ARHGEF6: variants seen among roughly 807,000 people sequenced by gnomAD.
ARHGEF6 encodes Rac/Cdc42 guanine nucleotide exchange factor 6.
A neutral mutation model predicts 70.3 loss-of-function variants in ARHGEF6; 9 were observed. The observed-to-expected ratio is 0.13, with a 90% CI of 0.08 to 0.22. ARHGEF6 has a LOEUF of 0.22. ARHGEF6 is among the 10% of genes least tolerant of loss of function. The pLI, the probability that ARHGEF6 is intolerant of heterozygous loss-of-function variation, is 1.00. For missense variants in ARHGEF6, 470 were observed against 563.0 expected (o/e 0.83, Z 1.67); for synonymous variants, 201 against 207.8 (o/e 0.97, Z 0.28).
At chrX:136,719,539 C>A (rs965124774) in intron 6 of ARHGEF6, among the ~76,000 whole-genome samples, 1 of 111,432 alleles carries the variant, frequency 9.0e-6, no homozygotes, top group Non-Finnish European at 1.9e-5. Context: ...GCACTGAATG[C>A]ATATATTAGG....
chrX:136,686,597 T>TATATATATATATATATATATATATATAC (rs1157414655), intron 11 of ARHGEF6, among the ~76,000 whole-genome samples: 1 of 62,480 alleles, frequency 1.6e-5, no homozygotes, highest in Non-Finnish European at 2.6e-5. Context: ...TGTGTGTGTA[T>TATATATATATATATATATATATATATAC]ATATATATAT....
intron 2 of ARHGEF6, chrX:136,767,258 C>T (rs1297067294): frequency 5.3e-6 from 4 of 754,868 alleles, no homozygotes; most frequent in African/African-American, 4.5e-5. Flanking sequence ...AGCGGGCGGG[C>T]AAGCCTGTGC....
intron 2 of ARHGEF6, among the ~76,000 whole-genome samples, chrX:136,762,892 C>T (rs768019072): frequency 9.0e-6 from 1 of 111,554 alleles, no homozygotes; most frequent in Non-Finnish European, 1.9e-5. Context: ...AAAGCTCAAG[C>T]TCATAGTCCC....
At chrX:136,742,823 C>T (rs1185935222) in intron 5 of ARHGEF6, among the ~76,000 whole-genome samples, 1 of 110,407 alleles carries the variant, frequency 9.1e-6, no homozygotes, top group Non-Finnish European at 1.9e-5. Flanking sequence ...AAAGTTTAAA[C>T]ATTAGCTGGG....
At chrX:136,776,886 A>G (rs5975793) in intron 2 of ARHGEF6, among the ~76,000 whole-genome samples, 23 of 86,445 alleles carry the variant, frequency 2.7e-4, no homozygotes, top group African/African-American at 1.3e-3. Flanking sequence ...TAGATAAATA[A>G]ATAAATAAAT....
intron 6 of ARHGEF6, among the ~76,000 whole-genome samples, chrX:136,729,434 C>G (rs1319369001): frequency 2.2e-5 from 2 of 90,559 alleles, no homozygotes; most frequent in African/African-American, 8.7e-5. Flanking sequence ...TGCCACTGCA[C>G]TCCAGCCTGG....
chrX:136,761,718 T>C (rs1448525159), intron 2 of ARHGEF6, among the ~76,000 whole-genome samples: 1 of 111,865 alleles, frequency 8.9e-6, no homozygotes, highest in Non-Finnish European at 1.9e-5. Context: ...TGTGAGGATT[T>C]TACCTTTGAC....
chrX:136,735,325 C>T (rs1189040394), intron 5 of ARHGEF6, among the ~76,000 whole-genome samples: 1 of 111,030 alleles, frequency 9.0e-6, no homozygotes, highest in Non-Finnish European at 1.9e-5. Flanking sequence ...CAATTTCTGG[C>T]CTCTTGTCCC....
chrX:136,686,619 TATACAC>T (rs1333218195), intron 11 of ARHGEF6, among the ~76,000 whole-genome samples: 43 of 73,043 alleles, frequency 5.9e-4, no homozygotes, highest in Non-Finnish European at 8.8e-4. Context: ...TATATATATA[TATACAC>T]ATATATATAT....
intron 14 of ARHGEF6, among the ~76,000 whole-genome samples, chrX:136,681,493 T>C (rs959686236): frequency 1.8e-5 from 2 of 112,615 alleles, no homozygotes; most frequent in African/African-American, 3.2e-5. Context: ...CAGAACTTTT[T>C]AGAAATACAA....
intron 2 of ARHGEF6, among the ~76,000 whole-genome samples, chrX:136,752,946 T>C (rs991989193): frequency 2.7e-5 from 3 of 112,058 alleles, no homozygotes; most frequent in Admixed American, 9.5e-5. Flanking sequence ...TGTCATTACA[T>C]AGTGCAACAG....
intron 7 of ARHGEF6, among the ~76,000 whole-genome samples, chrX:136,709,572 G>C (rs755050931): frequency 8.8e-6 from 1 of 113,144 alleles, no homozygotes; most frequent in African/African-American, 3.2e-5. Flanking sequence ...ACAAAGCCAG[G>C]AAATGCCAAA....
intron 5 of ARHGEF6, among the ~76,000 whole-genome samples, chrX:136,742,624 G>A (rs939739551): frequency 6.3e-5 from 7 of 111,243 alleles, no homozygotes; most frequent in Non-Finnish European, 9.4e-5. Context: ...TATCAGAAGA[G>A]CCTACCTTCT....
rs761124932 is a variant in ARHGEF6 at position 136,691,607 on chromosome X, C to G, written c.1047-859G>C. Among the ~76,000 whole-genome samples, 4 of 111,878 alleles carry G rather than the reference C, an allele frequency of 3.6e-5. 1 individual carries two copies. The highest frequency in any genetic ancestry group is 1.3e-4 in the African/African-American group (4 of 30,785). On this transcript the variant is annotated intron_variant, in intron 9 of 21. Coordinates refer to ENST00000250617, the MANE Select transcript of ARHGEF6 (RefSeq NM_004840.3). The stretch of plus-strand genomic sequence containing the variant: ...TGAAACTTCTGCTTTATTACATGGC[C>G]CTTTTACCTCTTTGGTTGGCCATGC...
chrX:136,732,959 A>G (rs1041764617), intron 5 of ARHGEF6, among the ~76,000 whole-genome samples: 1 of 111,454 alleles, frequency 9.0e-6, no homozygotes, highest in African/African-American at 3.3e-5. Context: ...CCAACAACAA[A>G]ATGATCAGAA....
intron 19 of ARHGEF6, among the ~76,000 whole-genome samples, chrX:136,674,740 TA>T (rs751466633): frequency 1.8e-5 from 2 of 111,380 alleles, no homozygotes; most frequent in Admixed American, 9.5e-5. Context: ...AGAACAACTT[TA>T]AAAAAAAATT....
At chrX:136,716,635 G>A in intron 6 of ARHGEF6, among the ~76,000 whole-genome samples, 1 of 112,157 alleles carries the variant, frequency 8.9e-6, no homozygotes, top group Non-Finnish European at 1.9e-5. Context: ...ACTTAAGTCA[G>A]GTAACACAGG....
intron 7 of ARHGEF6, among the ~76,000 whole-genome samples, chrX:136,712,706 T>C (rs2076699200): frequency 8.9e-6 from 1 of 112,720 alleles, no homozygotes; most frequent in Non-Finnish European, 1.9e-5. Flanking sequence ...TTCTTTCAAT[T>C]CAGGCTTTAC....
intron 5 of ARHGEF6, among the ~76,000 whole-genome samples, chrX:136,740,205 C>T (rs1292248546): frequency 1.8e-5 from 2 of 110,852 alleles, no homozygotes; most frequent in African/African-American, 6.6e-5. Context: ...GATGGTGTTT[C>T]TCCATGTTGC....
Sources: gnomAD v4.1 joint callset for allele counts (sites outside exome capture counted in the v4.1 genomes callset) on GRCh38, gnomAD v4.1.1 for gene constraint, MANE v1.5 for transcripts, NCBI Gene and HGNC (gene_info 2026-07-23, HGNC 2026-07-21) for gene names.